SLC9A3: variants seen among roughly 807,000 people sequenced by gnomAD.
The protein encoded by SLC9A3 is solute carrier family 9 member A3.
SLC9A3 carries 37 observed loss-of-function variants against 86.8 expected under a neutral mutation model. That is an observed-to-expected ratio of 0.43 (90% CI 0.33 to 0.56). The LOEUF (loss-of-function observed/expected upper bound fraction) is 0.56. Ranked by LOEUF, SLC9A3 falls within the 20% of genes least tolerant of loss-of-function variation. SLC9A3 has a pLI of 0.06. For synonymous variants in SLC9A3, 581 were observed against 528.3 expected, an observed-to-expected ratio of 1.10 and a Z score of -1.37; for missense variants, 1,011 against 1,171.9, an observed-to-expected ratio of 0.86 and a Z score of 2.00.
Position 517,671 on chromosome 5 carries a change from TATCC to T in SLC9A3, c.211+6437_211+6440del, listed in dbSNP as rs375043502. 1.1e-3 allele frequency among the ~76,000 whole-genome samples: 157 copies of T among 146,472 alleles called. 6 individuals are homozygous for T. The East Asian group carries it at 0.019, about 18-fold the overall frequency. On this transcript the variant is annotated intron_variant, in intron 1 of 16. Coordinates refer to ENST00000264938, the MANE Select transcript of SLC9A3 (RefSeq NM_004174.4). ...TCATATATCCATTCATTCATCCATCTATCCATCCATCCATCCATCCACCCATCCA... is the reference window on the plus strand; with the variant it reads ...TCATATATCCATTCATTCATCCATCTATCCATCCATCCATCCACCCATCCA...
chr5:495,386 G>A lies in SLC9A3; in HGVS notation c.212-3315C>T, dbSNP rs1236852955. 2.7e-5 allele frequency among the ~76,000 whole-genome samples: 4 copies of A among 146,884 alleles called. No homozygotes were observed. In the East Asian group the frequency reaches 6.1e-4, roughly 22 times the overall value. On this transcript the variant is annotated intron_variant, in intron 1 of 16. Transcript: ENST00000264938. ...CCTGGGGACTCACAGTGCTCCCCGC[G>A]CCATCGCCGACCCTCCCCACGCTCC...
At chr5:477,012 G>A in intron 11 of SLC9A3, 1 of 510,312 alleles carries the variant, frequency 2.0e-6, no homozygotes, top group Non-Finnish European at 3.5e-6. Flanking sequence ...CTGGCTGTGA[G>A]CTGTGGAGCC....
chr5:494,797 A>C (rs1465161043), intron 1 of SLC9A3, among the ~76,000 whole-genome samples: 1 of 152,138 alleles, frequency 6.6e-6, no homozygotes, highest in Non-Finnish European at 1.5e-5. Flanking sequence ...AGCCGGGCAC[A>C]GCCGTGGTGA....
chr5:515,605 C>T (rs966404095), intron 1 of SLC9A3, among the ~76,000 whole-genome samples: 6 of 151,962 alleles, frequency 3.9e-5, no homozygotes, highest in Admixed American at 3.3e-4. Flanking sequence ...GGACCACCTG[C>T]TGCTCCTGCT....
At chr5:500,412 C>T (rs1740208653) in intron 1 of SLC9A3, among the ~76,000 whole-genome samples, 2 of 152,134 alleles carry the variant, frequency 1.3e-5, no homozygotes, top group East Asian at 1.9e-4. Flanking sequence ...GAGACGGGGA[C>T]GGGACCCTCC....
intron 1 of SLC9A3, among the ~76,000 whole-genome samples, chr5:517,655 C>T (rs1002597480): frequency 6.6e-6 from 1 of 151,820 alleles, no homozygotes; most frequent in Non-Finnish European, 1.5e-5. Context: ...TTCATATATC[C>T]ATTCATTCAT....
intron 1 of SLC9A3, among the ~76,000 whole-genome samples, chr5:518,230 G>C (rs533971585): frequency 6.6e-6 from 1 of 152,200 alleles, no homozygotes; most frequent in South Asian, 2.1e-4. Context: ...GAGCAGGAGA[G>C]ATGCTGAGTG....
At chr5:523,064 G>C (rs1010252982) in intron 1 of SLC9A3, among the ~76,000 whole-genome samples, 1 of 152,220 alleles carries the variant, frequency 6.6e-6, no homozygotes, top group African/African-American at 2.4e-5. Flanking sequence ...GGGAGGAGGC[G>C]GGAGGGCTCA....
chr5:478,460 G>GT (rs936734948), intron 10 of SLC9A3: 1 of 38,770 alleles, frequency 2.6e-5, no homozygotes, highest in South Asian at 7.8e-4. Flanking sequence ...GTGGGGTGGG[G>GT]GGGCGCAGGG....
At position 479,734 on chromosome 5, in the gene SLC9A3, G is replaced by C. The variant is rs558939088; in HGVS notation, c.1647+102C>G. The C allele has an allele frequency of 6.3e-6, 8 of 1,275,858 alleles. No homozygotes were observed. In the African/African-American group the frequency reaches 1.3e-4, roughly 20 times the overall value. The allele number at this position is 1,275,858 out of a possible 1,614,324, so 79.0% of individuals were successfully genotyped here. A position where few individuals can be genotyped will look rare whatever the true frequency, so the allele number is the denominator to read the frequency against. The stretch of plus-strand genomic sequence containing the variant: ...GAACTGCTGGGGTGGGCCTGGCCTT[G>C]GGACGCGGGTGCAGGGGCCTCTCCT... On this transcript the variant is annotated intron_variant, in intron 10 of 16. Transcript: ENST00000264938.
Position 491,297 on chromosome 5 carries a change from G to A in SLC9A3, c.514+472C>T, listed in dbSNP as rs575790741. Among the ~76,000 whole-genome samples, 7 of 152,242 alleles carry A rather than the reference G, an allele frequency of 4.6e-5. No individual in the cohort carries two copies. Among genetic ancestry groups the A allele is most frequent in the South Asian group, 4.1e-4 (2 of 4,824 alleles). ...GTCTGGGTCCGGGGCGGGAGGCAGT[G>A]CCCGAGAGATGAAGCATCCAAGACC... On this transcript the variant is annotated intron_variant, in intron 2 of 16. Transcript: ENST00000264938. The surrounding 1 kb of genome is among the most constrained non-coding windows in gnomAD (Gnocchi z 9.2).
In SLC9A3 at chr5:475,071, C is replaced by A; in HGVS notation, c.2313G>T (p.Leu771=). 6.2e-7 allele frequency: 1 copy of A among 1,611,726 alleles called. No individual in the cohort carries two copies. Among genetic ancestry groups the A allele is most frequent in the East Asian group, 2.2e-5 (1 of 44,830 alleles). ...EALDRSLLAR[L]PPWLSPGETV... Reference sequence around the variant, plus strand: ...TCTCCCCGGGAGACAGCCAGGGCGGCAGCCTGGCCAGGAGGCTGCGGTCCA... The same window carrying A: ...TCTCCCCGGGAGACAGCCAGGGCGGAAGCCTGGCCAGGAGGCTGCGGTCCA... Residue 771 remains leucine (L), a synonymous_variant, in exon 16 of 17, where the codon CTG becomes CTT. Coordinates refer to ENST00000264938, the MANE Select transcript of SLC9A3 (RefSeq NM_004174.4).
chr5:481,716 C>T (rs1739177377), intron 8 of SLC9A3, 81 bp from the exon 9 acceptor site: 2 of 1,208,282 alleles, frequency 1.7e-6, no homozygotes, highest in African/African-American at 1.5e-5. Context: ...TGGCCCAGCC[C>T]CGAGGAACCC....
chr5:495,392 G>T lies in SLC9A3; in HGVS notation c.212-3321C>A, dbSNP rs35710918. On this transcript the variant is annotated intron_variant, in intron 1 of 16. Coordinates refer to ENST00000264938, the MANE Select transcript of SLC9A3 (RefSeq NM_004174.4). Reference sequence around the variant, plus strand: ...GACTCACAGTGCTCCCCGCGCCATCGCCGACCCTCCCCACGCTCCACTCCC... The same window carrying T: ...GACTCACAGTGCTCCCCGCGCCATCTCCGACCCTCCCCACGCTCCACTCCC... Among the ~76,000 whole-genome samples the T allele has an allele frequency of 3.3e-4, 49 of 146,310 alleles. 1 individual carries two copies. The highest frequency in any genetic ancestry group is 6.1e-4 in the Non-Finnish European group (40 of 66,052).
rs761800500 is a variant in SLC9A3, at chr5:473,364, G to T, written c.*15C>A. On this transcript the variant is annotated 3_prime_UTR_variant, in exon 17 of 17. Coordinates refer to ENST00000264938, the MANE Select transcript of SLC9A3 (RefSeq NM_004174.4). ...CGGGGACGAGCGGCCGGTTAGCGGCGTGTCGGAGCCGGTGTCACCTGCGGG... is the reference window on the plus strand; with the variant it reads ...CGGGGACGAGCGGCCGGTTAGCGGCTTGTCGGAGCCGGTGTCACCTGCGGG... 2 of 1,420,454 alleles carry T rather than the reference G, an allele frequency of 1.4e-6. No individual in the cohort carries two copies. The highest frequency in any genetic ancestry group is 1.9e-6 in the Non-Finnish European group (2 of 1,080,450). 88.0% of individuals were successfully genotyped at this position (1,420,454 alleles called of 1,614,324 possible).
intron 1 of SLC9A3, among the ~76,000 whole-genome samples, chr5:503,646 T>G (rs1032566569): frequency 1.3e-5 from 2 of 152,194 alleles, no homozygotes; most frequent in Non-Finnish European, 2.9e-5. Flanking sequence ...ATTTATAGAT[T>G]TGAGAAATTT....
chr5:474,032 G>A (rs71597642), intron 16 of SLC9A3, among the ~76,000 whole-genome samples: 1 of 152,250 alleles, frequency 6.6e-6, no homozygotes, highest in Non-Finnish European at 1.5e-5. Context: ...ATCTCTGTCC[G>A]GGCTCCTGAG....
Position 476,289 on chromosome 5 carries a change from G to A in SLC9A3, c.1980C>T (p.Arg660=). The change falls in exon 13 of 17, where the codon CGC becomes CGT. Residue 660 remains arginine (R), a synonymous_variant. Coordinates refer to ENST00000264938, the MANE Select transcript of SLC9A3 (RefSeq NM_004174.4). ...REIFHRTMRK[R]LESFKSTKLG... Reference sequence around the variant, plus strand: ...GCTTGGTCGACTTGAAGGACTCCAGGCGCTTCCGCATGGTCCTGTGGAAGA... The same window carrying A: ...GCTTGGTCGACTTGAAGGACTCCAGACGCTTCCGCATGGTCCTGTGGAAGA... 1 of 1,613,988 alleles carries A rather than the reference G, an allele frequency of 6.2e-7. No homozygotes were observed. Among genetic ancestry groups the A allele is most frequent in the Non-Finnish European group, 8.5e-7 (1 of 1,180,010 alleles).
intron 1 of SLC9A3, among the ~76,000 whole-genome samples, chr5:521,978 A>G (rs1189295510): frequency 2.0e-5 from 3 of 152,218 alleles, no homozygotes; most frequent in African/African-American, 7.2e-5. Context: ...GACCCAGAGC[A>G]GACCTCAGCT....
Sources: gnomAD v4.1 joint callset for allele counts (sites outside exome capture counted in the v4.1 genomes callset) on GRCh38, gnomAD v4.1.1 for gene constraint, Gnocchi (gnomAD v3.1) non-coding constraint, MANE v1.5 for transcripts, NCBI Gene and HGNC (gene_info 2026-07-23, HGNC 2026-07-21) for gene names.